BICRA: variants seen among roughly 807,000 people sequenced by gnomAD.
The protein encoded by BICRA is BRD4 interacting chromatin remodeling complex associated protein, also known as BRD4-interacting chromatin-remodeling complex-associated protein.
Under a neutral mutation model 96.9 loss-of-function variants are expected in BICRA, and 31 were observed. The ratio of observed to expected loss-of-function variants is 0.32; its 90% confidence interval spans 0.24 to 0.43. The LOEUF (loss-of-function observed/expected upper bound fraction) is 0.43. Among genes scored for constraint, BICRA ranks in the 20% least tolerant of loss-of-function variants. The pLI is 1.00. For synonymous variants in BICRA, 1,350 were observed against 1,071.8 expected (o/e 1.26, Z -5.07); for missense variants, 2,283 against 2,190.3 (o/e 1.04, Z -0.84).
chr19:47,657,054 G>A (rs8111269), intron 1 of BICRA, among the ~76,000 whole-genome samples: 21,983 of 151,682 alleles, frequency 0.14, 1,657 homozygotes, highest in South Asian at 0.2. Flanking sequence ...GTAGAGACAG[G>A]GTTTCACTGT....
chr19:47,702,633 T>A lies in BICRA; in HGVS notation c.*218T>A. ...AGGGAGGGGGCTGTGATGTAAAACG[T>A]CTCCCCTGCCAAAGGAGGGGCAAAG... On this transcript the variant is annotated 3_prime_UTR_variant, in exon 15 of 15. Coordinates refer to ENST00000594866, the MANE Select transcript of BICRA (RefSeq NM_001394372.1). The A allele has an allele frequency of 1.9e-6, 1 of 539,502 alleles. No individual in the cohort carries two copies. The allele number at this position is 539,502 out of a possible 1,614,324, so 33.4% of individuals were successfully genotyped here.
Position 47,673,762 on chromosome 19 carries a change from G to T in BICRA, c.84G>T (p.Lys28Asn). Residue 28 changes from lysine to asparagine, a missense_variant and splice_region_variant, in exon 4 of 15, where the codon AAG becomes AAT. By Grantham distance (94) the Lys-to-Asn change is moderately conservative. Transcript: ENST00000594866. The stretch of plus-strand genomic sequence containing the variant: ...ATGACTTCTTGCATGGATCCGAGAA[G>T]GTAAGCATGGGCGCAGGGAGAGGCA... The part of the protein sequence containing the change: ...ALNDFLHGSE[K>N]LDSDDLLDNP... 6.2e-7 allele frequency: 1 copy of T among 1,612,424 alleles called. No individual in the cohort carries two copies. The highest frequency in any genetic ancestry group is 8.5e-7 in the Non-Finnish European group (1 of 1,178,604).
In BICRA at chr19:47,701,292, C is replaced by T; in HGVS notation, c.3596-36C>T. On this transcript the variant is annotated intron_variant, in intron 14 of 14. Transcript: ENST00000594866. The surrounding 1 kb of genome is among the most constrained non-coding windows in gnomAD (Gnocchi z 5.4). ...CCAGCTCGGTCGGGGGGTCCTCATC[C>T]TAACCCCGCGGGTTTTCTTTGCCCC... The T allele has an allele frequency of 6.5e-7, 1 of 1,540,002 alleles. No homozygotes were observed. The highest frequency in any genetic ancestry group is 8.9e-7 in the Non-Finnish European group (1 of 1,122,472).
In BICRA at chr19:47,701,854, G is replaced by A; in HGVS notation, c.4122G>A (p.Lys1374=). 1 of 1,510,646 alleles carries A rather than the reference G, an allele frequency of 6.6e-7. No individual in the cohort carries two copies. The highest frequency in any genetic ancestry group is 1.2e-5 in the South Asian group (1 of 82,452). 93.6% of individuals were successfully genotyped at this position (1,510,646 alleles called of 1,614,324 possible). ...DHPPPAAPER[K]PLGTAPHCPR... ...CGCCGCCTGCCGCCCCCGAGCGCAA[G>A]CCCCTGGGCACCGCCCCGCACTGCC... is the stretch of plus-strand genomic sequence containing the variant. Residue 1374 remains lysine (K), a synonymous_variant, in exon 15 of 15, where the codon AAG becomes AAA. Transcript: ENST00000594866. The surrounding 1 kb of genome is among the most constrained non-coding windows in gnomAD (Gnocchi z 5.4).
At chr19:47,665,084 G>C (rs1015984196) in intron 1 of BICRA, among the ~76,000 whole-genome samples, 9 of 143,052 alleles carry the variant, frequency 6.3e-5, no homozygotes, top group South Asian at 2.3e-4. Context: ...TTCTGAGTGT[G>C]GGGGGTAGGG....
chr19:47,685,784 T>TGCGCGCGCGC (rs1377559075), intron 7 of BICRA, among the ~76,000 whole-genome samples: 87 of 115,484 alleles, frequency 7.5e-4, no homozygotes, highest in East Asian at 3.0e-3. Context: ...TGTGTGTGTG[T>TGCGCGCGCGC]GTGCGCGCGC....
Position 47,699,713 on chromosome 19 carries a change from A to G in BICRA, c.3595+308A>G, listed in dbSNP as rs1341570924. On this transcript the variant is annotated intron_variant, in intron 14 of 14. Transcript: ENST00000594866. The surrounding 1 kb of genome is among the most constrained non-coding windows in gnomAD (Gnocchi z 5.0). ...AGGAGAGCAGGCGCCTAGGTTGCAA[A>G]ATATATAAGGTAACGCCCACTCTTG... Among the ~76,000 whole-genome samples, 2 of 152,256 alleles carry G rather than the reference A, an allele frequency of 1.3e-5. No homozygotes were observed. The highest frequency in any genetic ancestry group is 3.9e-4 in the East Asian group (2 of 5,166).
chr19:47,674,703 G>GT (rs1348752180), intron 4 of BICRA, among the ~76,000 whole-genome samples: 2 of 152,200 alleles, frequency 1.3e-5, no homozygotes, highest in Non-Finnish European at 2.9e-5. Context: ...TCCTGTGGCT[G>GT]TTGGCAGGAG....
At chr19:47,674,808 G>A (rs1359056815) in intron 4 of BICRA, among the ~76,000 whole-genome samples, 2 of 152,184 alleles carry the variant, frequency 1.3e-5, no homozygotes, top group Admixed American at 6.5e-5. Context: ...TGATCCGAGA[G>A]AGGACACAGG....
At chr19:47,691,741 A>G (rs1809039088) in intron 7 of BICRA, among the ~76,000 whole-genome samples, 3 of 151,996 alleles carry the variant, frequency 2.0e-5, no homozygotes, top group Admixed American at 1.3e-4. Flanking sequence ...TTGTGTTTTT[A>G]GTACAGATGG....
At chr19:47,665,784 G>A (rs1275208742) in intron 1 of BICRA, among the ~76,000 whole-genome samples, 2 of 152,194 alleles carry the variant, frequency 1.3e-5, no homozygotes, top group Non-Finnish European at 2.9e-5. Flanking sequence ...TTTCCATTGC[G>A]TTTATCTCAT....
rs1458579543 is a variant in BICRA, at chr19:47,680,332, C to T, written c.1162C>T (p.Pro388Ser). The stretch of plus-strand genomic sequence containing the variant: ...CATCCAGGGCGAGCCGGGGGCGCTC[C>T]CGCAGCAGCCCAAGGCCCCGCAGAA... ...LTIQGEPGAL[P>S]QQPKAPQNLT... The change falls in exon 6 of 15, where the codon CCG becomes TCG. Residue 388 changes from proline (P) to serine (S), a missense_variant. By Grantham distance (74) the Pro-to-Ser change is moderately conservative. Transcript: ENST00000594866. The T allele has an allele frequency of 2.0e-6, 3 of 1,535,598 alleles. No homozygotes were observed. The highest frequency in any genetic ancestry group is 1.2e-5 in the South Asian group (1 of 83,788).
intron 1 of BICRA, among the ~76,000 whole-genome samples, chr19:47,664,634 C>G (rs559891996): frequency 2.0e-5 from 3 of 152,330 alleles, no homozygotes; most frequent in Admixed American, 1.3e-4. Flanking sequence ...CGGAAGCACT[C>G]AGGCAATGCG....
At chr19:47,676,190 G>C (rs189513674) in intron 5 of BICRA, among the ~76,000 whole-genome samples, 119 of 152,190 alleles carry the variant, frequency 7.8e-4, no homozygotes, top group African/African-American at 2.8e-3. Flanking sequence ...TGGGGCCCTG[G>C]GGTGGCTCAT....
At chr19:47,666,203 A>T (rs1253928512) in intron 1 of BICRA, among the ~76,000 whole-genome samples, 1 of 152,170 alleles carries the variant, frequency 6.6e-6, no homozygotes, top group Non-Finnish European at 1.5e-5. Flanking sequence ...GGAGCCTCAG[A>T]ATCAGTCAAG....
intron 1 of BICRA, among the ~76,000 whole-genome samples, chr19:47,619,715 TAATA>T (rs1027828387): frequency 1.3e-5 from 2 of 152,008 alleles, no homozygotes; most frequent in Admixed American, 6.6e-5. Flanking sequence ...CTAGGCAACA[TAATA>T]AGACCCTATC....
chr19:47,620,828 C>T (rs1972055262), intron 1 of BICRA, among the ~76,000 whole-genome samples: 1 of 152,074 alleles, frequency 6.6e-6, no homozygotes, highest in African/African-American at 2.4e-5. Context: ...AGCGCTGTCT[C>T]TGAGTAGTTC....
In BICRA at chr19:47,675,227, TG is replaced by T. The variant is rs1380529215; in HGVS notation, c.85-622del. Reference sequence around the variant, plus strand: ...AAGATTCCAGAAGTCCAGGTGGTGCTGGTGGATGTACAAGTTGGGGTTCTGG... The same window carrying T: ...AAGATTCCAGAAGTCCAGGTGGTGCTGTGGATGTACAAGTTGGGGTTCTGG... On this transcript the variant is annotated intron_variant, in intron 4 of 14. Transcript: ENST00000594866. This position sits in a 1 kb window ranked among gnomAD's most constrained non-coding sequence, Gnocchi z 4.7. 6.6e-6 allele frequency among the ~76,000 whole-genome samples: 1 copy of T among 152,124 alleles called. No homozygotes were observed. The highest frequency in any genetic ancestry group is 1.5e-5 in the Non-Finnish European group (1 of 68,008).
intron 1 of BICRA, among the ~76,000 whole-genome samples, chr19:47,623,036 CAAAA>C (rs879282736): frequency 8.0e-6 from 1 of 124,834 alleles, no homozygotes; most frequent in African/African-American, 3.0e-5. Flanking sequence ...GAGGCCATCT[CAAAA>C]AAAAAAAAGT....
Sources: gnomAD v4.1 joint callset for allele counts (sites outside exome capture counted in the v4.1 genomes callset) on GRCh38, gnomAD v4.1.1 for gene constraint, Gnocchi (gnomAD v3.1) non-coding constraint, MANE v1.5 for transcripts, NCBI Gene and HGNC (gene_info 2026-07-23, HGNC 2026-07-21) for gene names.